The following TECTB variants were observed in gnomAD, a reference collection of about 807,000 sequenced individuals.
TECTB encodes the protein tectorin beta.
A neutral mutation model predicts 43.3 loss-of-function variants in TECTB; 45 were observed. The ratio of observed to expected loss-of-function variants is 1.04; its 90% CI spans 0.82 to 1.33. The LOEUF (loss-of-function observed/expected upper bound fraction) is 1.33, where lower values mean the gene tolerates loss of function less well. TECTB is among the 40% of genes most tolerant of loss of function. TECTB has a pLI of 0.00. For missense variants in TECTB, 399 were observed against 404.7 expected (o/e 0.99, Z 0.12); for synonymous variants, 169 against 156.7 (o/e 1.08, Z -0.59).
rs990765305 is a variant in TECTB, at chr10:112,304,237, T to C, written c.*925T>C. On this transcript the variant is annotated 3_prime_UTR_variant, in exon 11 of 11. Coordinates refer to ENST00000646139, the MANE Select transcript of TECTB (RefSeq NM_058222.3). Reference sequence around the variant, plus strand: ...AATGCTATTTTTTCTCTATTTGCTCTACTAAGAAGTTTTCATTTATAAGAA... The same window carrying C: ...AATGCTATTTTTTCTCTATTTGCTCCACTAAGAAGTTTTCATTTATAAGAA... The C allele has an allele frequency of 1.3e-5, 2 of 152,252 alleles. No individual in the cohort carries two copies. The highest frequency in any genetic ancestry group is 2.9e-5 in the Non-Finnish European group (2 of 68,044). 9.4% of individuals were successfully genotyped at this position (152,252 alleles called of 1,614,324 possible). A position where few individuals can be genotyped will look rare whatever the true frequency, so the allele number is the denominator to read the frequency against.
chr10:112,283,894 C>T (rs1003306440), intron 2 of TECTB, 84 bp downstream of exon 2: 1 of 1,411,146 alleles, frequency 7.1e-7, no homozygotes, highest in South Asian at 1.3e-5. Context: ...CTGTGCTTAA[C>T]TTGTTATAAA....
chr10:112,303,237 C>T (rs570848507), intron 10 of TECTB, 26 bp from the exon 11 acceptor site: 10 of 1,613,946 alleles, frequency 6.2e-6, no homozygotes, highest in Non-Finnish European at 8.5e-6. Context: ...CTCTGAGTGC[C>T]ATCTCCCTCC....
In TECTB at chr10:112,283,715, A is replaced by G; in HGVS notation, c.-20A>G. On this transcript the variant is annotated 5_prime_UTR_variant, in exon 2 of 11. Coordinates refer to ENST00000646139, the MANE Select transcript of TECTB (RefSeq NM_058222.3). ...CCAGCTTGGTTTGGATACCTGGCAG[A>G]GACCAGGTTCTGAGAAGCAATGGTG... 1 of 1,612,614 alleles carries G rather than the reference A, an allele frequency of 6.2e-7. No individual in the cohort carries two copies. The highest frequency in any genetic ancestry group is 8.5e-7 in the Non-Finnish European group (1 of 1,178,866).
intron 7 of TECTB, among the ~76,000 whole-genome samples, chr10:112,296,954 C>A (rs1332519193): frequency 6.6e-6 from 1 of 152,184 alleles, no homozygotes; most frequent in Non-Finnish European, 1.5e-5. Context: ...TGCAGAGCGA[C>A]AGACCCTGCT....
intron 9 of TECTB, among the ~76,000 whole-genome samples, chr10:112,301,650 T>C (rs1455093738): frequency 1.3e-5 from 2 of 152,198 alleles, no homozygotes; most frequent in Non-Finnish European, 2.9e-5. Context: ...GATGAAACTT[T>C]GTAAACCCCC....
At chr10:112,286,596 G>A (rs1170586032) in intron 5 of TECTB, among the ~76,000 whole-genome samples, 2 of 152,152 alleles carry the variant, frequency 1.3e-5, no homozygotes, top group Admixed American at 1.3e-4. Flanking sequence ...CTGGATAGAA[G>A]AGCTGAAAGG....
chr10:112,283,400 A>G lies in TECTB; in HGVS notation c.-184A>G. On this transcript the variant is annotated 5_prime_UTR_variant, in exon 1 of 11. Coordinates refer to ENST00000646139, the MANE Select transcript of TECTB (RefSeq NM_058222.3). ...AAAGTCAAACTAGGACTGGGGCAGCAGATTTGGGGAGCATCCAGCAGCCAG... is the reference window on the plus strand; with the variant it reads ...AAAGTCAAACTAGGACTGGGGCAGCGGATTTGGGGAGCATCCAGCAGCCAG... 1 of 257,532 alleles carries G rather than the reference A, an allele frequency of 3.9e-6. No individual in the cohort carries two copies. The highest frequency in any genetic ancestry group is 7.3e-6 in the Non-Finnish European group (1 of 136,404). 16.0% of individuals were successfully genotyped at this position (257,532 alleles called of 1,614,324 possible). A position where few individuals can be genotyped will look rare whatever the true frequency, so the allele number is the denominator to read the frequency against.
chr10:112,293,837 A>G lies in TECTB; in HGVS notation c.583A>G (p.Ile195Val), dbSNP rs370626930. The change falls in exon 6 of 11, where the codon ATT becomes GTT. Residue 195 changes from isoleucine to valine, a missense_variant. Ile to Val is a conservative substitution (Grantham distance 29). Transcript: ENST00000646139. ...AGGAGTGGAAGCCAAAGGGTTAAGCATTAGGTAAGTACATTTCCTCCAAGT... is the reference window on the plus strand; with the variant it reads ...AGGAGTGGAAGCCAAAGGGTTAAGCGTTAGGTAAGTACATTTCCTCCAAGT... Reference protein sequence around the residue: ...FAGVEAKGLSIRFKVVLNSCW... With the variant: ...FAGVEAKGLSVRFKVVLNSCW... The G allele has an allele frequency of 1.9e-6, 3 of 1,613,964 alleles. No homozygotes were observed. The highest frequency in any genetic ancestry group is 2.5e-6 in the Non-Finnish European group (3 of 1,179,920).
chr10:112,287,419 T>A (rs903939058), intron 5 of TECTB, among the ~76,000 whole-genome samples: 2 of 152,212 alleles, frequency 1.3e-5, no homozygotes, highest in Non-Finnish European at 2.9e-5. Context: ...ACAGAGACTG[T>A]CCCAGCAGGC....
rs139784993 is a variant in TECTB, at chr10:112,283,743, G to A, written c.9G>A (p.Thr3=). 153 of 1,613,736 alleles carry A rather than the reference G, an allele frequency of 9.5e-5. No individual in the cohort carries two copies. Among genetic ancestry groups the A allele is most frequent in the Non-Finnish European group, 1.3e-4 (148 of 1,179,882 alleles). ...CCAGGTTCTGAGAAGCAATGGTGAC[G>A]AAGGCCTTTGTCTTGTTGGCCATCT... MV[T]KAFVLLAIFA... is the part of the protein sequence containing the mutation. The change falls in exon 2 of 11, where the codon ACG becomes ACA. Residue 3 remains threonine, a synonymous_variant. Coordinates refer to ENST00000646139, the MANE Select transcript of TECTB (RefSeq NM_058222.3).
chr10:112,296,356 C>T (rs886290910), intron 7 of TECTB, among the ~76,000 whole-genome samples: 15 of 152,128 alleles, frequency 9.9e-5, no homozygotes, highest in Admixed American at 3.3e-4. Context: ...GAGGCAGCTG[C>T]CACTGAAGTG....
At chr10:112,285,333 C>T (rs183967559) in intron 3 of TECTB, among the ~76,000 whole-genome samples, 1 of 152,258 alleles carries the variant, frequency 6.6e-6, no homozygotes. Context: ...CCCAACCTCC[C>T]CACCAAGATC....
At chr10:112,303,066 C>T in intron 10 of TECTB, 197 bp from the exon 11 acceptor site, 1 of 605,404 alleles carries the variant, frequency 1.7e-6, no homozygotes, top group Non-Finnish European at 2.9e-6. Flanking sequence ...TGTCAGAGGT[C>T]CACAACCTAG....
intron 5 of TECTB, among the ~76,000 whole-genome samples, chr10:112,288,145 C>T (rs1848470128): frequency 2.6e-5 from 4 of 152,248 alleles, no homozygotes; most frequent in African/African-American, 7.2e-5. Context: ...TATTGAATCC[C>T]TGTCTGGAAG....
At chr10:112,302,310 C>A in intron 10 of TECTB, 177 bp downstream of exon 10, 1 of 621,946 alleles carries the variant, frequency 1.6e-6, no homozygotes, top group Non-Finnish European at 2.7e-6. Flanking sequence ...CTCTGACCAG[C>A]CCCTGAACTC....
At chr10:112,291,591 GT>G (rs1554853710) in intron 5 of TECTB, among the ~76,000 whole-genome samples, 1 of 152,172 alleles carries the variant, frequency 6.6e-6, no homozygotes, top group Non-Finnish European at 1.5e-5. Flanking sequence ...GCTGAAATCC[GT>G]TCCTCCTGCC....
chr10:112,284,535 A>C lies in TECTB; in HGVS notation c.77A>C (p.Asp26Ala), dbSNP rs1848438543. ...TAAACTATATGTGTGCTCTTTCCAG[A>C]TGTCATTCTTGTGTTTTGCTATCCC... The part of the protein sequence containing the change: ...SAKSCAPNKA[D>A]VILVFCYPKT... Residue 26 changes from aspartate to alanine, a missense_variant and splice_region_variant, in exon 3 of 11, where the codon GAT becomes GCT. Transcript: ENST00000646139. 1 of 1,604,752 alleles carries C rather than the reference A, an allele frequency of 6.2e-7. No homozygotes were observed. Among genetic ancestry groups the C allele is most frequent in the Non-Finnish European group, 8.5e-7 (1 of 1,174,798 alleles).
intron 9 of TECTB, among the ~76,000 whole-genome samples, chr10:112,301,777 C>A (rs181860767): frequency 6.6e-6 from 1 of 152,150 alleles, no homozygotes; most frequent in Non-Finnish European, 1.5e-5. Context: ...CCGTGTCGCC[C>A]AGGTTGGAGT....
intron 10 of TECTB, 133 bp from the exon 11 acceptor site, chr10:112,303,130 G>A: frequency 3.8e-6 from 4 of 1,046,200 alleles, no homozygotes; most frequent in Non-Finnish European, 5.9e-6. Context: ...AATCCCCAAG[G>A]GATGAACAAA....
Sources: gnomAD v4.1 joint callset for allele counts (sites outside exome capture counted in the v4.1 genomes callset) on GRCh38, gnomAD v4.1.1 for gene constraint, MANE v1.5 for transcripts, NCBI Gene and HGNC (gene_info 2026-07-23, HGNC 2026-07-21) for gene names.